RPS6KA2: variants seen among roughly 807,000 people sequenced by gnomAD.
RPS6KA2 encodes the protein ribosomal protein S6 kinase A2.
RPS6KA2 carries 42 observed loss-of-function variants against 91.8 expected under a neutral mutation model. The ratio of observed to expected loss-of-function variants is 0.46; its 90% CI spans 0.36 to 0.59. RPS6KA2 has a LOEUF of 0.59. RPS6KA2 is among the 20% of genes least tolerant of loss of function. The probability of loss-of-function intolerance (pLI) is 0.00; values close to 1 mark genes in which losing one functional copy is unlikely to be tolerated. For missense variants in RPS6KA2, 798 were observed against 978.5 expected (o/e 0.82, Z 2.46); for synonymous variants, 414 against 393.6 (o/e 1.05, Z -0.61).
At chr6:166,742,883 C>T (rs148761100) in intron 2 of RPS6KA2, among the ~76,000 whole-genome samples, 3 of 152,314 alleles carry the variant, frequency 2.0e-5, no homozygotes, top group African/African-American at 7.2e-5. Context: ...AGAACGGGAG[C>T]GTTCCCATTA....
At chr6:166,454,040 G>A (rs1301088427) in intron 12 of RPS6KA2, among the ~76,000 whole-genome samples, 2 of 152,332 alleles carry the variant, frequency 1.3e-5, no homozygotes, top group South Asian at 4.1e-4. Flanking sequence ...TGGTGGGATA[G>A]AGAATGGAGA....
At chr6:166,453,592 G>A (rs992535106) in intron 12 of RPS6KA2, among the ~76,000 whole-genome samples, 2 of 152,250 alleles carry the variant, frequency 1.3e-5, no homozygotes, top group Non-Finnish European at 2.9e-5. Flanking sequence ...TGAGGATGTG[G>A]AGAAAGGTGG....
At chr6:166,781,752 ACCAGGAG>A (rs898716494) in intron 2 of RPS6KA2, among the ~76,000 whole-genome samples, 1 of 152,176 alleles carries the variant, frequency 6.6e-6, no homozygotes, top group South Asian at 2.1e-4. Flanking sequence ...AGAGACTTGC[ACCAGGAG>A]CCAGGAGCCA....
At chr6:166,692,763 C>CT (rs529746773) in intron 2 of RPS6KA2, among the ~76,000 whole-genome samples, 5 of 152,192 alleles carry the variant, frequency 3.3e-5, no homozygotes, top group Non-Finnish European at 7.3e-5. Context: ...CTCCAAAGTG[C>CT]TTTTTAACAA....
At chr6:166,743,766 C>CA (rs1790886960) in intron 2 of RPS6KA2, among the ~76,000 whole-genome samples, 1 of 152,132 alleles carries the variant, frequency 6.6e-6, no homozygotes, top group African/African-American at 2.4e-5. Context: ...ACCAGGCCCA[C>CA]GGCAGACAGG....
rs76144932 is a variant in RPS6KA2, at chr6:166,849,914, G to A, written c.123+8286C>T. Among the ~76,000 whole-genome samples, 192 of 152,342 alleles carry A rather than the reference G, an allele frequency of 1.3e-3. 2 individuals carry two copies. The East Asian group carries it at 0.032, about 25-fold the overall frequency. On this transcript the variant is annotated intron_variant, in intron 2 of 21. Coordinates refer to the RPS6KA2 transcript ENST00000503859. The surrounding 1 kb of genome is among the most constrained non-coding windows in gnomAD (Gnocchi z 4.9). Reference sequence around the variant, plus strand: ...ACCAGGGGCACTCATGCCTGGCTCCGCTGTGCCCACGGGGCCTCCACCAGA... The same window carrying A: ...ACCAGGGGCACTCATGCCTGGCTCCACTGTGCCCACGGGGCCTCCACCAGA...
At chr6:166,566,067 T>A (rs544113562) in intron 1 of RPS6KA2, among the ~76,000 whole-genome samples, 1 of 152,238 alleles carries the variant, frequency 6.6e-6, no homozygotes, top group South Asian at 2.1e-4. Context: ...GAAACCTAGA[T>A]GAAAATGTAG....
chr6:166,585,966 G>A (rs1193058109), intron 1 of RPS6KA2, among the ~76,000 whole-genome samples: 2 of 33,528 alleles, frequency 6.0e-5, no homozygotes, highest in African/African-American at 5.4e-4. Context: ...ATCGCATTTC[G>A]CAAGTAAGAT....
chr6:166,690,527 GAGA>G (rs1225710073), intron 2 of RPS6KA2, among the ~76,000 whole-genome samples: 4 of 152,324 alleles, frequency 2.6e-5, no homozygotes, highest in East Asian at 3.9e-4. Context: ...TCTTCAAAGG[GAGA>G]AGAACTCCCT....
rs889030913 is a variant in RPS6KA2 at position 166,418,993 on chromosome 6, A to C, written c.1821-651T>G. Among the ~76,000 whole-genome samples, 1 of 152,164 alleles carries C rather than the reference A, an allele frequency of 6.6e-6. No homozygotes were observed. The highest frequency in any genetic ancestry group is 6.5e-5 in the Admixed American group (1 of 15,270). ...ATTAGAAGCGTCACAAAGTAACCTGACTGTGGTATTGGTAAGAAACTGAGG... is the reference window on the plus strand; with the variant it reads ...ATTAGAAGCGTCACAAAGTAACCTGCCTGTGGTATTGGTAAGAAACTGAGG... On this transcript the variant is annotated intron_variant, in intron 18 of 20. Coordinates refer to ENST00000265678, the MANE Select transcript of RPS6KA2 (RefSeq NM_021135.6). The surrounding 1 kb of genome is among the most constrained non-coding windows in gnomAD (Gnocchi z 4.9).
intron 2 of RPS6KA2, among the ~76,000 whole-genome samples, chr6:166,753,517 A>G (rs191696353): frequency 6.6e-6 from 1 of 152,310 alleles, no homozygotes; most frequent in African/African-American, 2.4e-5. Context: ...ACAGCTATCT[A>G]TTAATACTAT....
In RPS6KA2 at chr6:166,508,408, G is replaced by C. The variant is rs567306993; in HGVS notation, c.380-126C>G. 6 of 651,194 alleles carry C rather than the reference G, an allele frequency of 9.2e-6. No homozygotes were observed. In the East Asian group the frequency reaches 1.1e-4, roughly 12 times the overall value. 40.3% of individuals were successfully genotyped at this position (651,194 alleles called of 1,614,324 possible). ...GGCTGAGTCACTTGAGAAACGGCAG[G>C]ACCCCGGCTGGTGACCAGCTCAGAG... On this transcript the variant is annotated intron_variant, in intron 4 of 20. Transcript: ENST00000265678. The surrounding 1 kb of genome is among the most constrained non-coding windows in gnomAD (Gnocchi z 4.3).
chr6:166,856,999 G>A (rs919283794), intron 2 of RPS6KA2, among the ~76,000 whole-genome samples: 1 of 152,230 alleles, frequency 6.6e-6, no homozygotes, highest in South Asian at 2.1e-4. Flanking sequence ...TCCCAGATTA[G>A]TGAAAATGCA....
At position 166,710,619 on chromosome 6, in the gene RPS6KA2, G is replaced by A. The variant is rs1219122315; in HGVS notation, c.123+147581C>T. ...TTGATTACATCCTGGAGGTGCATGT[G>A]TTATGCATCCTTCTTCTCTTCCAGG... On this transcript the variant is annotated intron_variant, in intron 2 of 21. Coordinates refer to the RPS6KA2 transcript ENST00000503859. Among the ~76,000 whole-genome samples, 5 of 152,194 alleles carry A rather than the reference G, an allele frequency of 3.3e-5. No individual in the cohort carries two copies. The East Asian group carries it at 5.8e-4, about 18-fold the overall frequency.
At position 166,626,871 on chromosome 6, in the gene RPS6KA2, C is replaced by A; in HGVS notation, c.99+50G>T. On this transcript the variant is annotated intron_variant, in intron 1 of 20. Coordinates refer to ENST00000265678, the MANE Select transcript of RPS6KA2 (RefSeq NM_021135.6). This position sits in a 1 kb window ranked among gnomAD's most constrained non-coding sequence, Gnocchi z 4.1. Reference sequence around the variant, plus strand: ...GTGGCGAGGCGGGCTCGGGCGACCACGGCCCGCTCAGTGCCCGGCACCTGC... The same window carrying A: ...GTGGCGAGGCGGGCTCGGGCGACCAAGGCCCGCTCAGTGCCCGGCACCTGC... The A allele has an allele frequency of 1.4e-6, 2 of 1,389,490 alleles. No individual in the cohort carries two copies. The highest frequency in any genetic ancestry group is 1.5e-5 in the South Asian group (1 of 65,280). The allele number at this position is 1,389,490 out of a possible 1,614,324, so 86.1% of individuals were successfully genotyped here.
At chr6:166,669,331 C>T (rs1788408554) in intron 2 of RPS6KA2, among the ~76,000 whole-genome samples, 2 of 152,206 alleles carry the variant, frequency 1.3e-5, no homozygotes, top group East Asian at 1.9e-4. Context: ...GGACATGGAA[C>T]ATGGACGAGG....
rs1351577413 is a variant in RPS6KA2, at chr6:166,563,830, GA to G, written c.100-25047del. On this transcript the variant is annotated intron_variant, in intron 1 of 20. Transcript: ENST00000265678. This position sits in a 1 kb window ranked among gnomAD's most constrained non-coding sequence, Gnocchi z 4.1. ...TCAGTGCTTATAATATTGTTTGCAT[GA>G]AAAAAAAGTTTCTCATGTTTGCCAT... Among the ~76,000 whole-genome samples the G allele has an allele frequency of 2.0e-5, 3 of 151,986 alleles. No individual in the cohort carries two copies. The highest frequency in any genetic ancestry group is 1.9e-4 in the East Asian group (1 of 5,198).
At position 166,409,558 on chromosome 6, in the gene RPS6KA2, C is replaced by T. The variant is rs1296054861; in HGVS notation, c.*3204G>A. 1 of 152,410 alleles carries T rather than the reference C, an allele frequency of 6.6e-6. No homozygotes were observed. Among genetic ancestry groups the T allele is most frequent in the East Asian group, 1.9e-4 (1 of 5,200 alleles). 9.4% of individuals were successfully genotyped at this position (152,410 alleles called of 1,614,324 possible). ...AGTGAACAAAGTGCTGAGTCAGGAG[C>T]GAGGCAGAGAAGCGTGCTCAGTAGA... is the stretch of plus-strand genomic sequence containing the variant. On this transcript the variant is annotated 3_prime_UTR_variant, in exon 21 of 21. Coordinates refer to ENST00000265678, the MANE Select transcript of RPS6KA2 (RefSeq NM_021135.6).
intron 14 of RPS6KA2, among the ~76,000 whole-genome samples, chr6:166,440,543 T>C (rs1033403742): frequency 6.6e-6 from 1 of 152,220 alleles, no homozygotes; most frequent in Admixed American, 6.5e-5. Context: ...AGAACTAATA[T>C]CAGAATCATC....
Sources: allele counts gnomAD v4.1 joint callset (sites outside exome capture counted in the v4.1 genomes callset), GRCh38; gene constraint gnomAD v4.1.1; non-coding constraint Gnocchi (gnomAD v3.1); transcripts MANE v1.5; gene names NCBI Gene and HGNC (gene_info 2026-07-23, HGNC 2026-07-21).